The following KIAA1958 variants were observed in gnomAD, a reference collection of about 807,000 sequenced individuals.
KIAA1958 encodes uncharacterized protein KIAA1958.
A neutral mutation model predicts 47.2 loss-of-function variants in KIAA1958; 14 were observed. That is an observed-to-expected ratio of 0.30 (90% CI 0.20 to 0.46). The LOEUF (loss-of-function observed/expected upper bound fraction) is 0.46. Among genes scored for constraint, KIAA1958 ranks in the 20% least tolerant of loss-of-function variants. The probability of loss-of-function intolerance (pLI) is 1.00; values close to 1 mark genes in which losing one functional copy is unlikely to be tolerated. For synonymous variants in KIAA1958, 354 were observed against 353.3 expected, an observed-to-expected ratio of 1.00 and a Z score of -0.02; for missense variants, 803 against 909.2, an observed-to-expected ratio of 0.88 and a Z score of 1.50.
chr9:112,622,451 A>G (rs1421254260), intron 2 of KIAA1958, among the ~76,000 whole-genome samples: 1 of 152,138 alleles, frequency 6.6e-6, no homozygotes, highest in African/African-American at 2.4e-5. Flanking sequence ...CATGTGAGTG[A>G]CTCTTGAAAA....
At chr9:112,642,932 G>A (rs1009981659) in intron 2 of KIAA1958, among the ~76,000 whole-genome samples, 11 of 152,150 alleles carry the variant, frequency 7.2e-5, no homozygotes, top group African/African-American at 2.7e-4. Context: ...TTGTTTCACT[G>A]TGTACTGGGA....
intron 1 of KIAA1958, among the ~76,000 whole-genome samples, chr9:112,532,106 A>G (rs867845733): frequency 1.3e-5 from 2 of 152,088 alleles, no homozygotes; most frequent in African/African-American, 4.8e-5. Flanking sequence ...AATTTTTTTT[A>G]GCTTCTGGTG....
chr9:112,648,294 C>T (rs1042879003), intron 3 of KIAA1958, among the ~76,000 whole-genome samples: 49 of 152,096 alleles, frequency 3.2e-4, no homozygotes, highest in African/African-American at 1.0e-3. Flanking sequence ...CAGAGCCCAG[C>T]GGACTTGCTG....
chr9:112,583,000 C>A (rs942113819), intron 2 of KIAA1958, among the ~76,000 whole-genome samples: 4 of 152,282 alleles, frequency 2.6e-5, no homozygotes, highest in Admixed American at 2.0e-4. Context: ...AAAAAGATCT[C>A]CAGGTGATTT....
At position 112,549,279 on chromosome 9, in the gene KIAA1958, T is replaced by A. The variant is rs184441465; in HGVS notation, c.-24-24778T>A. The stretch of plus-strand genomic sequence containing the variant: ...GGACTGTAACAAACATGTTTCCATA[T>A]CCTCATTTCTCTTTCTCAATAAAGT... On this transcript the variant is annotated intron_variant, in intron 1 of 3. Transcript: ENST00000337530. Among the ~76,000 whole-genome samples, 468 of 152,330 alleles carry A rather than the reference T, an allele frequency of 3.1e-3. 1 individual carries two copies. Among genetic ancestry groups the A allele is most frequent in the Non-Finnish European group, 5.1e-3 (344 of 68,028 alleles).
chr9:112,644,613 A>C (rs1836947249), intron 2 of KIAA1958, among the ~76,000 whole-genome samples: 1 of 142,560 alleles, frequency 7.0e-6, no homozygotes, highest in Non-Finnish European at 1.6e-5. Context: ...ACCAACATTT[A>C]AAATTGGACA....
intron 1 of KIAA1958, among the ~76,000 whole-genome samples, chr9:112,513,396 CAG>C (rs1237525980): frequency 6.7e-6 from 1 of 149,144 alleles, no homozygotes; most frequent in Non-Finnish European, 1.5e-5. Flanking sequence ...TGCAGAGGCT[CAG>C]GGGAGAGCGA....
At chr9:112,566,981 T>G (rs1476679805) in intron 1 of KIAA1958, among the ~76,000 whole-genome samples, 1 of 152,178 alleles carries the variant, frequency 6.6e-6, no homozygotes, top group Non-Finnish European at 1.5e-5. Context: ...TAATTATTTT[T>G]TATTATGATA....
chr9:112,546,174 G>A (rs1835029330), intron 1 of KIAA1958, among the ~76,000 whole-genome samples: 1 of 151,924 alleles, frequency 6.6e-6, no homozygotes, highest in Admixed American at 6.6e-5. Context: ...AAACCAAGAT[G>A]CCAATGAAAG....
chr9:112,631,077 A>G (rs942393114), intron 2 of KIAA1958, among the ~76,000 whole-genome samples: 7 of 152,214 alleles, frequency 4.6e-5, no homozygotes, highest in Admixed American at 3.9e-4. Context: ...TTTATTTTCA[A>G]TTTATTCATA....
rs146005777 is a variant in KIAA1958 at position 112,518,886 on chromosome 9, A to C, written c.-25+31768A>C. Among the ~76,000 whole-genome samples the C allele has an allele frequency of 3.1e-3, 478 of 152,058 alleles. 9 individuals carry two copies. Among genetic ancestry groups the C allele is most frequent in the African/African-American group, 0.011 (457 of 41,508 alleles). On this transcript the variant is annotated intron_variant, in intron 1 of 3. Transcript: ENST00000337530. ...GCTAAAGAAAAAAAAAAAAGCTAAC[A>C]TTATTGACTGGTTTTTGGAACCAAA... is the stretch of plus-strand genomic sequence containing the variant.
intron 1 of KIAA1958, among the ~76,000 whole-genome samples, chr9:112,552,749 A>G (rs1835172781): frequency 6.6e-6 from 1 of 152,200 alleles, no homozygotes; most frequent in Non-Finnish European, 1.5e-5. Flanking sequence ...CATTGGCTAC[A>G]GCTCAGGAAG....
At chr9:112,522,005 CTT>C (rs1372636826) in intron 1 of KIAA1958, among the ~76,000 whole-genome samples, 5 of 95,634 alleles carry the variant, frequency 5.2e-5, no homozygotes, top group Non-Finnish European at 1.3e-4. Flanking sequence ...GAGTTTCGCT[CTT>C]GTTACCCAGG....
chr9:112,506,566 G>A (rs915597899), intron 1 of KIAA1958, among the ~76,000 whole-genome samples: 1 of 152,176 alleles, frequency 6.6e-6, no homozygotes, highest in African/African-American at 2.4e-5. Flanking sequence ...ATACATGTTT[G>A]TGACTACCTG....
At chr9:112,589,262 T>C (rs1311227114) in intron 2 of KIAA1958, among the ~76,000 whole-genome samples, 2 of 152,212 alleles carry the variant, frequency 1.3e-5, no homozygotes, top group African/African-American at 2.4e-5. Context: ...ATTCTCCCAG[T>C]TTTCTTCTGA....
rs1564164535 is a variant in KIAA1958 at position 112,539,684 on chromosome 9, T to TA, written c.-24-34373_-24-34372insA. ...TGTACTTAAAAGTATATATATATAT[T>TA]TTTTTTGCGGGGGTGGGGGTTGGGT... On this transcript the variant is annotated intron_variant, in intron 1 of 3. Transcript: ENST00000337530. Among the ~76,000 whole-genome samples, 774 of 151,004 alleles carry TA rather than the reference T, an allele frequency of 5.1e-3. 6 individuals are homozygous for TA. Among genetic ancestry groups the TA allele is most frequent in the African/African-American group, 0.017 (698 of 41,102 alleles).
rs879430723 is a variant in KIAA1958 at position 112,661,796 on chromosome 9, C to T, written c.*1727C>T. The T allele has an allele frequency of 2.6e-5, 4 of 152,178 alleles. No individual in the cohort carries two copies. The highest frequency in any genetic ancestry group is 6.5e-5 in the Admixed American group (1 of 15,280). The allele number at this position is 152,178 out of a possible 1,614,324, so 9.4% of individuals were successfully genotyped here. Reference sequence around the variant, plus strand: ...GTAATATTTAATCATCAGTGTATGACTTGATATCACATAACGTTCTGGTGT... The same window carrying T: ...GTAATATTTAATCATCAGTGTATGATTTGATATCACATAACGTTCTGGTGT... On this transcript the variant is annotated 3_prime_UTR_variant, in exon 4 of 4. Coordinates refer to ENST00000337530, the MANE Select transcript of KIAA1958 (RefSeq NM_133465.4).
chr9:112,534,683 A>T (rs1197129516), intron 1 of KIAA1958, among the ~76,000 whole-genome samples: 1 of 151,796 alleles, frequency 6.6e-6, no homozygotes, highest in Non-Finnish European at 1.5e-5. Flanking sequence ...AACTGGGATT[A>T]TGGCATCCAC....
rs762669967 is a variant in KIAA1958 at position 112,503,616 on chromosome 9, C to CAA, written c.-25+16517_-25+16518dup. Reference sequence around the variant, plus strand: ...TGGGCAACAGAGCGAGACCCTGTCTCAAAAAAAAAAAAAAAAAAAAGGTCA... The same window carrying CAA: ...TGGGCAACAGAGCGAGACCCTGTCTCAAAAAAAAAAAAAAAAAAAAAAGGTCA... On this transcript the variant is annotated intron_variant, in intron 1 of 3. Transcript: ENST00000337530. Among the ~76,000 whole-genome samples, 1,049 of 105,420 alleles carry CAA rather than the reference C, an allele frequency of 1.0e-2. 27 individuals are homozygous for CAA. Among genetic ancestry groups the CAA allele is most frequent in the Non-Finnish European group, 0.012 (679 of 54,818 alleles). 69.2% of individuals were successfully genotyped at this position (105,420 alleles called of 152,430 possible).
Sources: allele counts gnomAD v4.1 joint callset (sites outside exome capture counted in the v4.1 genomes callset), GRCh38; gene constraint gnomAD v4.1.1; transcripts MANE v1.5; gene names NCBI Gene and HGNC (gene_info 2026-07-23, HGNC 2026-07-21).